SIM1: variants seen among roughly 807,000 people sequenced by gnomAD.
The protein encoded by SIM1 is single-minded homolog 1.
In SIM1, 18 loss-of-function variants were observed where a neutral mutation model predicts 78.2. That is an observed-to-expected ratio of 0.23 (90% confidence interval 0.16 to 0.34). The LOEUF (loss-of-function observed/expected upper bound fraction) is 0.34. Among genes scored for constraint, SIM1 ranks in the 10% least tolerant of loss-of-function variants. The probability of loss-of-function intolerance (pLI) is 1.00; values close to 1 mark genes in which losing one functional copy is unlikely to be tolerated. For missense variants in SIM1, 939 were observed against 975.1 expected, an observed-to-expected ratio of 0.96 and a Z score of 0.49; for synonymous variants, 417 against 385.2, an observed-to-expected ratio of 1.08 and a Z score of -0.97.
intron 7 of SIM1, 80 bp downstream of exon 7, chr6:100,448,399 A>G (rs962931303): frequency 6.7e-7 from 1 of 1,482,374 alleles, no homozygotes; most frequent in Non-Finnish European, 9.2e-7. Flanking sequence ...ATGGGCTCAT[A>G]GGATAGACGG....
At chr6:100,455,234 C>T (rs893197245) in intron 2 of SIM1, among the ~76,000 whole-genome samples, 14 of 152,174 alleles carry the variant, frequency 9.2e-5, no homozygotes, top group African/African-American at 2.9e-4. Flanking sequence ...ATAAATCTAA[C>T]GATTTCCCCA....
chr6:100,394,310 A>C (rs1046080264), intron 10 of SIM1, among the ~76,000 whole-genome samples: 2 of 152,232 alleles, frequency 1.3e-5, no homozygotes, highest in Non-Finnish European at 2.9e-5. Flanking sequence ...TTAGCAGGTG[A>C]CACAACCAAG....
intron 11 of SIM1, 140 bp from the exon 12 acceptor site, chr6:100,391,231 G>T: frequency 1.1e-6 from 1 of 873,362 alleles, no homozygotes; most frequent in Non-Finnish European, 1.7e-6. Flanking sequence ...CTCACATGAT[G>T]TGAGCACATG....
chr6:100,444,120 T>C (rs1772290945), intron 9 of SIM1, among the ~76,000 whole-genome samples: 1 of 152,138 alleles, frequency 6.6e-6, no homozygotes, highest in Non-Finnish European at 1.5e-5. Flanking sequence ...ACATTTTCTT[T>C]ACATTAAAAA....
chr6:100,402,123 G>A (rs1267411309), intron 10 of SIM1, among the ~76,000 whole-genome samples: 2 of 152,146 alleles, frequency 1.3e-5, no homozygotes, highest in African/African-American at 2.4e-5. Flanking sequence ...AAATGGTACA[G>A]ATATGTATGT....
In SIM1 at chr6:100,393,429, G is replaced by C. The variant is rs899559613; in HGVS notation, c.1570+58C>G. Reference sequence around the variant, plus strand: ...GTCATTCACTCTAGTGTCACAATGTGATGAACCTGCCCAGGGCCTAATGCT... The same window carrying C: ...GTCATTCACTCTAGTGTCACAATGTCATGAACCTGCCCAGGGCCTAATGCT... On this transcript the variant is annotated intron_variant, in intron 11 of 11. Coordinates refer to ENST00000369208, the MANE Select transcript of SIM1 (RefSeq NM_005068.3). 8 of 1,422,592 alleles carry C rather than the reference G, an allele frequency of 5.6e-6. No individual in the cohort carries two copies. In the East Asian group the frequency reaches 2.0e-4, roughly 35 times the overall value. The allele number at this position is 1,422,592 out of a possible 1,614,324, so 88.1% of individuals were successfully genotyped here. A position where few individuals can be genotyped will look rare whatever the true frequency, so the allele number is the denominator to read the frequency against.
intron 2 of SIM1, among the ~76,000 whole-genome samples, chr6:100,459,890 T>G (rs1252965028): frequency 6.6e-6 from 1 of 152,218 alleles, no homozygotes; most frequent in African/African-American, 2.4e-5. Context: ...TTGTCCTATT[T>G]TGCACACAAA....
At chr6:100,412,594 A>G (rs1356079970) in intron 10 of SIM1, among the ~76,000 whole-genome samples, 1 of 114,572 alleles carries the variant, frequency 8.7e-6, no homozygotes, top group African/African-American at 3.1e-5. Flanking sequence ...AAAGAAAGAA[A>G]GAAAGAAAGA....
At chr6:100,414,270 A>G (rs879847505) in intron 10 of SIM1, among the ~76,000 whole-genome samples, 4 of 152,218 alleles carry the variant, frequency 2.6e-5, no homozygotes, top group African/African-American at 4.8e-5. Flanking sequence ...CCCTATGACC[A>G]ACGACATCTT....
At chr6:100,414,097 G>A (rs557921339) in intron 10 of SIM1, among the ~76,000 whole-genome samples, 6 of 152,348 alleles carry the variant, frequency 3.9e-5, no homozygotes, top group African/African-American at 1.4e-4. Context: ...AATTAATGGA[G>A]AATAGTATGA....
intron 10 of SIM1, among the ~76,000 whole-genome samples, chr6:100,417,298 C>T (rs1367238332): frequency 1.3e-5 from 2 of 152,134 alleles, no homozygotes; most frequent in African/African-American, 4.8e-5. Flanking sequence ...TACACCATCT[C>T]CTAGACAATA....
chr6:100,429,004 T>C (rs1363434890), intron 9 of SIM1, among the ~76,000 whole-genome samples: 1 of 152,122 alleles, frequency 6.6e-6, no homozygotes, highest in Non-Finnish European at 1.5e-5. Flanking sequence ...AAACTGTGGA[T>C]AAGGGGGGAC....
intron 9 of SIM1, among the ~76,000 whole-genome samples, chr6:100,445,487 T>C (rs1322692981): frequency 1.3e-5 from 2 of 152,212 alleles, no homozygotes; most frequent in Admixed American, 1.3e-4. Flanking sequence ...AAGTTGATCA[T>C]CTAATTATAC....
intron 10 of SIM1, among the ~76,000 whole-genome samples, chr6:100,416,000 G>T (rs541063797): frequency 1.3e-5 from 2 of 152,264 alleles, no homozygotes; most frequent in African/African-American, 4.8e-5. Context: ...TCAGGAGGAT[G>T]CCTGCAGCTG....
In SIM1 at chr6:100,387,413, C is replaced by A. The variant is rs1019413529; in HGVS notation, c.*2948G>T. 2.0e-5 allele frequency: 3 copies of A among 151,938 alleles called. No homozygotes were observed. The highest frequency in any genetic ancestry group is 2.0e-4 in the Admixed American group (3 of 15,248). The allele number at this position is 151,938 out of a possible 1,614,324, so 9.4% of individuals were successfully genotyped here. A position where few individuals can be genotyped will look rare whatever the true frequency, so the allele number is the denominator to read the frequency against. On this transcript the variant is annotated 3_prime_UTR_variant, in exon 12 of 12. Coordinates refer to ENST00000369208, the MANE Select transcript of SIM1 (RefSeq NM_005068.3). ...TGAGGAAATATGTTGCTGCACAGAA[C>A]AAAATAATGTAGATTATAAACACAT...
Position 100,390,212 on chromosome 6 carries a change from T to C in SIM1, c.*149A>G, listed in dbSNP as rs1770601327. 1.2e-6 allele frequency: 1 copy of C among 843,328 alleles called. No individual in the cohort carries two copies. Among genetic ancestry groups the C allele is most frequent in the Non-Finnish European group, 1.8e-6 (1 of 552,332 alleles). 52.2% of individuals were successfully genotyped at this position (843,328 alleles called of 1,614,324 possible). On this transcript the variant is annotated 3_prime_UTR_variant, in exon 12 of 12. Coordinates refer to ENST00000369208, the MANE Select transcript of SIM1 (RefSeq NM_005068.3). ...AACCCTGAATGCTAGTGCTATGTTT[T>C]CTTTGATTTTATAGGAACACGTATC...
chr6:100,414,001 T>C (rs1339408539), intron 10 of SIM1, among the ~76,000 whole-genome samples: 2 of 152,208 alleles, frequency 1.3e-5, no homozygotes, highest in Non-Finnish European at 2.9e-5. Flanking sequence ...CTATAACCTA[T>C]TTGAAATAAG....
At chr6:100,419,336 T>C (rs191132751) in intron 10 of SIM1, among the ~76,000 whole-genome samples, 196 of 152,304 alleles carry the variant, frequency 1.3e-3, no homozygotes, top group Non-Finnish European at 2.0e-3. Flanking sequence ...TGATCTTCTG[T>C]GGAAGACCAT....
chr6:100,399,573 T>C (rs1770857109), intron 10 of SIM1, among the ~76,000 whole-genome samples: 1 of 152,136 alleles, frequency 6.6e-6, no homozygotes, highest in Non-Finnish European at 1.5e-5. Flanking sequence ...CTCTGCAAGA[T>C]GTTACCACTG....
Sources: gnomAD v4.1 joint callset for allele counts (sites outside exome capture counted in the v4.1 genomes callset) on GRCh38, gnomAD v4.1.1 for gene constraint, MANE v1.5 for transcripts, NCBI Gene and HGNC (gene_info 2026-07-23, HGNC 2026-07-21) for gene names.